The following CAPZB variants were observed in gnomAD, a reference collection of about 807,000 sequenced individuals.
The protein encoded by CAPZB is F-actin-capping protein subunit beta.
In CAPZB, 2 loss-of-function variants were observed where a neutral mutation model predicts 38.1. The observed-to-expected ratio is 0.05, with a 90% confidence interval of 0.02 to 0.17. The LOEUF is 0.17. CAPZB is among the 10% of genes least tolerant of loss of function. The pLI is 1.00. For synonymous variants in CAPZB, 107 were observed against 127.4 expected, an observed-to-expected ratio of 0.84 and a Z score of 1.08; for missense variants, 161 against 334.2, an observed-to-expected ratio of 0.48 and a Z score of 4.04.
At chr1:19,371,729 C>T (rs1400965751) in intron 4 of CAPZB, among the ~76,000 whole-genome samples, 3 of 152,210 alleles carry the variant, frequency 2.0e-5, no homozygotes, top group Non-Finnish European at 4.4e-5. Context: ...GGAAAATCTC[C>T]CCCTACCGCC....
chr1:19,457,192 T>C lies in CAPZB; in HGVS notation c.3+28244A>G, dbSNP rs76006991. On this transcript the variant is annotated intron_variant, in intron 1 of 8. Coordinates refer to ENST00000264202, the MANE Select transcript of CAPZB (RefSeq NM_004930.5). ...GCCTTGGGATTAATGGACTCTCTAA[T>C]TTTTGAATTTCCTGAGGTTTACGGC... 9.9e-3 allele frequency among the ~76,000 whole-genome samples: 1,506 copies of C among 152,340 alleles called. 60 individuals carry two copies. The East Asian group carries it at 0.12, about 13-fold the overall frequency.
intron 3 of CAPZB, among the ~76,000 whole-genome samples, chr1:19,379,672 T>A (rs936623136): frequency 4.6e-5 from 7 of 152,192 alleles, no homozygotes; most frequent in Non-Finnish European, 8.8e-5. Flanking sequence ...GAACCAGTCT[T>A]TTTGCAGCCC....
chr1:19,350,615 GTTTTTA>G (rs978287984), intron 6 of CAPZB, among the ~76,000 whole-genome samples: 1 of 152,218 alleles, frequency 6.6e-6, no homozygotes, highest in Non-Finnish European at 1.5e-5. Context: ...AGCAGTAATT[GTTTTTA>G]TTTTTATTTT....
At chr1:19,450,159 A>AG (rs376434300) in intron 1 of CAPZB, among the ~76,000 whole-genome samples, 29,420 of 134,034 alleles carry the variant, frequency 0.22, 3,634 homozygotes, top group Non-Finnish European at 0.26. Flanking sequence ...AAAAAAAAAA[A>AG]AAAAAAAAAA....
At chr1:19,459,280 AAC>A (rs2094542936) in intron 1 of CAPZB, among the ~76,000 whole-genome samples, 2 of 152,220 alleles carry the variant, frequency 1.3e-5, no homozygotes, top group Non-Finnish European at 2.9e-5. Flanking sequence ...AAATCATTCA[AAC>A]ACAGGCACAG....
chr1:19,480,713 G>A (rs2094625099), intron 1 of CAPZB, among the ~76,000 whole-genome samples: 1 of 152,200 alleles, frequency 6.6e-6, no homozygotes, highest in Non-Finnish European at 1.5e-5. Flanking sequence ...TATAGCATGA[G>A]GCTCTGGCAA....
At chr1:19,419,539 G>A in intron 2 of CAPZB, 122 bp downstream of exon 2, 1 of 645,196 alleles carries the variant, frequency 1.5e-6, no homozygotes, top group East Asian at 2.8e-5. Context: ...TAGTCCAGTG[G>A]CATGGTCTGC....
chr1:19,462,320 T>C (rs1434873143), intron 1 of CAPZB, among the ~76,000 whole-genome samples: 7 of 150,766 alleles, frequency 4.6e-5, no homozygotes, highest in African/African-American at 7.3e-5. Flanking sequence ...TAGCCAGGCG[T>C]GGTGGCGGGC....
At position 19,385,498 on chromosome 1, in the gene CAPZB, A is replaced by G; in HGVS notation, c.215+7T>C. 6.2e-7 allele frequency: 1 copy of G among 1,612,382 alleles called. No individual in the cohort carries two copies. The highest frequency in any genetic ancestry group is 8.5e-7 in the Non-Finnish European group (1 of 1,179,902). On this transcript the variant is annotated splice_region_variant and intron_variant, in intron 3 of 8. Coordinates refer to ENST00000264202, the MANE Select transcript of CAPZB (RefSeq NM_004930.5). ...GTGCCTGCTGCATCCCCGGGGCATG[A>G]GCTCACCTATAGGAGTCCCCATCTC... is the stretch of plus-strand genomic sequence containing the variant.
chr1:19,448,832 A>G, intron 1 of CAPZB: 2 of 1,612,774 alleles, frequency 1.2e-6, no homozygotes, highest in Non-Finnish European at 1.7e-6. Context: ...AGTGCGTGTC[A>G]CCTTTCTAGG....
intron 6 of CAPZB, among the ~76,000 whole-genome samples, chr1:19,354,062 G>T (rs1440893227): frequency 6.6e-6 from 1 of 152,212 alleles, no homozygotes; most frequent in East Asian, 1.9e-4. Flanking sequence ...AACAGTTGTG[G>T]CATGGTAGAA....
intron 1 of CAPZB, among the ~76,000 whole-genome samples, chr1:19,441,810 C>T (rs2094477538): frequency 6.6e-6 from 1 of 151,952 alleles, no homozygotes; most frequent in Admixed American, 6.6e-5. Context: ...GAGTTCGAGA[C>T]CAGCCTGGCA....
intron 4 of CAPZB, among the ~76,000 whole-genome samples, chr1:19,376,395 T>C (rs144604090): frequency 6.6e-6 from 1 of 152,288 alleles, no homozygotes; most frequent in East Asian, 1.9e-4. Flanking sequence ...CCAAGAAGCT[T>C]ACATATAAAA....
At chr1:19,440,046 C>T (rs774125492) in intron 1 of CAPZB, among the ~76,000 whole-genome samples, 3 of 152,142 alleles carry the variant, frequency 2.0e-5, no homozygotes, top group East Asian at 1.9e-4. Flanking sequence ...CTACAGCTGA[C>T]GTAAAATACA....
chr1:19,480,664 G>C (rs1002782592), intron 1 of CAPZB, among the ~76,000 whole-genome samples: 2 of 152,184 alleles, frequency 1.3e-5, no homozygotes, highest in African/African-American at 4.8e-5. Context: ...CCAGTCACAG[G>C]GGGTTCCACT....
chr1:19,380,379 C>A (rs2094167699), intron 3 of CAPZB, among the ~76,000 whole-genome samples: 1 of 152,214 alleles, frequency 6.6e-6, no homozygotes, highest in Non-Finnish European at 1.5e-5. Context: ...TGAGACACCC[C>A]CTGCTGCCCC....
intron 2 of CAPZB, among the ~76,000 whole-genome samples, chr1:19,408,287 A>G (rs12125806): frequency 0.23 from 34,702 of 152,200 alleles, 4,320 homozygotes; most frequent in East Asian, 0.46. Context: ...GGCAACAGCC[A>G]GCATCAATTA....
intron 4 of CAPZB, among the ~76,000 whole-genome samples, chr1:19,376,329 C>A (rs2094144428): frequency 6.6e-6 from 1 of 152,220 alleles, no homozygotes; most frequent in South Asian, 2.1e-4. Flanking sequence ...TCCACTTCCA[C>A]CTTCAAACTT....
chr1:19,416,803 T>C (rs1178378289), intron 2 of CAPZB, among the ~76,000 whole-genome samples: 2 of 140,480 alleles, frequency 1.4e-5, no homozygotes, highest in African/African-American at 5.4e-5. Context: ...GGAGGCTGCA[T>C]TGAGCTTTGA....
Sources: allele counts gnomAD v4.1 joint callset (sites outside exome capture counted in the v4.1 genomes callset), GRCh38; gene constraint gnomAD v4.1.1; transcripts MANE v1.5; gene names NCBI Gene and HGNC (gene_info 2026-07-23, HGNC 2026-07-21).